The following PID1 variants were observed in gnomAD, a reference collection of about 807,000 sequenced individuals.
PID1 encodes PTB-containing, cubilin and LRP1-interacting protein.
A neutral mutation model predicts 19.1 loss-of-function variants in PID1; 10 were observed. The observed-to-expected ratio is 0.52, with a 90% confidence interval of 0.32 to 0.89. The LOEUF (loss-of-function observed/expected upper bound fraction) is 0.89, where lower values mean the gene tolerates loss of function less well. Ranked by LOEUF, PID1 falls within the 40% of genes least tolerant of loss-of-function variation. PID1 has a pLI of 0.03. For synonymous variants in PID1, 130 were observed against 116.0 expected, an observed-to-expected ratio of 1.12 and a Z score of -0.78; for missense variants, 248 against 285.3, an observed-to-expected ratio of 0.87 and a Z score of 0.94.
chr2:229,025,111 G>A lies in PID1; in HGVS notation c.*521C>T, dbSNP rs528954802. On this transcript the variant is annotated 3_prime_UTR_variant, in exon 3 of 3. Coordinates refer to ENST00000392055, the MANE Select transcript of PID1 (RefSeq NM_001100818.2). ...TTAGTTGTAAAGCTCAATAAAGGCT[G>A]TGCTGATTTGCATACAGAGGAGGGC... The A allele has an allele frequency of 6.3e-6, 1 of 157,588 alleles. No homozygotes were observed. Among genetic ancestry groups the A allele is most frequent in the Non-Finnish European group, 1.4e-5 (1 of 71,074 alleles). 9.8% of individuals were successfully genotyped at this position (157,588 alleles called of 1,614,324 possible).
At chr2:229,229,442 G>A (rs550405509) in intron 1 of PID1, among the ~76,000 whole-genome samples, 2 of 150,832 alleles carry the variant, frequency 1.3e-5, no homozygotes, top group South Asian at 4.2e-4. Flanking sequence ...AGATAAGCCT[G>A]GGCAACAAGA....
intron 1 of PID1, among the ~76,000 whole-genome samples, chr2:229,258,957 C>T (rs899283204): frequency 1.3e-5 from 2 of 151,724 alleles, no homozygotes; most frequent in Admixed American, 1.3e-4. Flanking sequence ...AGTCCATCCT[C>T]AGGTAACTAC....
intron 2 of PID1, among the ~76,000 whole-genome samples, chr2:229,040,900 C>T (rs1024116388): frequency 6.6e-6 from 1 of 152,142 alleles, no homozygotes; most frequent in African/African-American, 2.4e-5. Context: ...AACCATGTTT[C>T]TCATTGTTAA....
chr2:229,106,672 C>T (rs547766524), intron 2 of PID1, among the ~76,000 whole-genome samples: 229 of 152,326 alleles, frequency 1.5e-3, no homozygotes, highest in Non-Finnish European at 2.5e-3. Context: ...GACATTAAAT[C>T]TGCTGGTACC....
intron 2 of PID1, among the ~76,000 whole-genome samples, chr2:229,097,481 T>C (rs764466224): frequency 6.6e-6 from 1 of 152,220 alleles, no homozygotes. Flanking sequence ...TTAAGTTTCC[T>C]TCTGTTTCTG....
At chr2:229,211,807 C>T (rs1364623919) in intron 1 of PID1, among the ~76,000 whole-genome samples, 1 of 152,234 alleles carries the variant, frequency 6.6e-6, no homozygotes, top group African/African-American at 2.4e-5. Flanking sequence ...CAGCTATACA[C>T]ATCCCTTCCA....
chr2:229,260,086 GTCAAAATAATATATATT>G (rs1462989765), intron 1 of PID1, among the ~76,000 whole-genome samples: 1 of 152,056 alleles, frequency 6.6e-6, no homozygotes, highest in Non-Finnish European at 1.5e-5. Flanking sequence ...CTGCACCTTT[GTCAAAATAATATATATT>G]TCTGATCAAA....
At chr2:229,083,895 C>T (rs543295259) in intron 2 of PID1, among the ~76,000 whole-genome samples, 17 of 152,208 alleles carry the variant, frequency 1.1e-4, no homozygotes, top group Non-Finnish European at 2.1e-4. Flanking sequence ...TAAAGGTTGA[C>T]TGAAATATTG....
chr2:229,057,274 C>T (rs1216769790), intron 2 of PID1, among the ~76,000 whole-genome samples: 1 of 151,540 alleles, frequency 6.6e-6, no homozygotes, highest in Non-Finnish European at 1.5e-5. Context: ...CCCATCTCTA[C>T]AAAAATACAA....
intron 2 of PID1, among the ~76,000 whole-genome samples, chr2:229,115,012 C>A (rs1298282164): frequency 6.6e-6 from 1 of 152,152 alleles, no homozygotes; most frequent in Non-Finnish European, 1.5e-5. Context: ...TCTATAACAT[C>A]TTAATTTTTT....
chr2:229,170,392 G>T (rs1690687529), intron 1 of PID1, among the ~76,000 whole-genome samples: 1 of 152,050 alleles, frequency 6.6e-6, no homozygotes, highest in Non-Finnish European at 1.5e-5. Context: ...CTAACATCTT[G>T]CAACATTTCC....
At chr2:229,081,893 A>G (rs185150990) in intron 2 of PID1, among the ~76,000 whole-genome samples, 1 of 152,338 alleles carries the variant, frequency 6.6e-6, no homozygotes, top group East Asian at 1.9e-4. Flanking sequence ...AAGTCAGGGG[A>G]GTTCAAGAAG....
intron 2 of PID1, among the ~76,000 whole-genome samples, chr2:229,040,887 G>A (rs1472803494): frequency 6.6e-6 from 1 of 152,156 alleles, no homozygotes; most frequent in Non-Finnish European, 1.5e-5. Flanking sequence ...AGTAAATGTT[G>A]AGAACCATGT....
At chr2:229,048,969 C>T (rs910537922) in intron 2 of PID1, among the ~76,000 whole-genome samples, 2 of 152,122 alleles carry the variant, frequency 1.3e-5, no homozygotes, top group Admixed American at 1.3e-4. Flanking sequence ...GGATTCATCA[C>T]TTTCATCAGA....
intron 1 of PID1, among the ~76,000 whole-genome samples, chr2:229,257,830 T>C (rs536041252): frequency 6.6e-6 from 1 of 152,308 alleles, no homozygotes; most frequent in Non-Finnish European, 1.5e-5. Flanking sequence ...TCCTGTCTAG[T>C]TTTCAGTTGC....
At chr2:229,151,260 C>T (rs553517845) in intron 2 of PID1, among the ~76,000 whole-genome samples, 15 of 152,230 alleles carry the variant, frequency 9.9e-5, no homozygotes, top group African/African-American at 3.6e-4. Flanking sequence ...GACACAAAAC[C>T]CACCCAATGG....
intron 1 of PID1, among the ~76,000 whole-genome samples, chr2:229,161,513 AG>A: frequency 6.6e-6 from 1 of 152,362 alleles, no homozygotes; most frequent in East Asian, 1.9e-4. Flanking sequence ...GAAAATAAAA[AG>A]AAGCCATTAA....
chr2:229,051,952 C>T (rs1694004824), intron 2 of PID1, among the ~76,000 whole-genome samples: 1 of 152,126 alleles, frequency 6.6e-6, no homozygotes, highest in South Asian at 2.1e-4. Context: ...GTCCCAGCTG[C>T]CTAGTATCCA....
At chr2:229,059,554 T>C (rs918674622) in intron 2 of PID1, among the ~76,000 whole-genome samples, 1 of 152,182 alleles carries the variant, frequency 6.6e-6, no homozygotes, top group Non-Finnish European at 1.5e-5. Context: ...GATGCCACCA[T>C]GGCTTGAACC....
Sources: gnomAD v4.1 joint callset for allele counts (sites outside exome capture counted in the v4.1 genomes callset) on GRCh38, gnomAD v4.1.1 for gene constraint, MANE v1.5 for transcripts, NCBI Gene and HGNC (gene_info 2026-07-23, HGNC 2026-07-21) for gene names.